JKAMP: variants seen among roughly 807,000 people sequenced by gnomAD.
JKAMP encodes JNK1/MAPK8 associated membrane protein.
A neutral mutation model predicts 40.2 loss-of-function variants in JKAMP; 20 were observed. The observed-to-expected ratio is 0.50, with a 90% CI of 0.35 to 0.72. JKAMP has a LOEUF of 0.72. Ranked by LOEUF, JKAMP falls within the 30% of genes least tolerant of loss-of-function variation. The probability of loss-of-function intolerance (pLI) is 0.01; values close to 1 mark genes in which losing one functional copy is unlikely to be tolerated. For synonymous variants in JKAMP, 138 were observed against 131.6 expected, an observed-to-expected ratio of 1.05 and a Z score of -0.33; for missense variants, 276 against 373.0, an observed-to-expected ratio of 0.74 and a Z score of 2.14.
intron 3 of JKAMP, among the ~76,000 whole-genome samples, chr14:59,493,570 C>G (rs1429312161): frequency 6.6e-6 from 1 of 152,120 alleles, no homozygotes; most frequent in East Asian, 1.9e-4. Context: ...TCAAAATCAC[C>G]TATAGACTAG....
intron 5 of JKAMP, chr14:59,500,963 G>T: frequency 2.2e-6 from 1 of 449,794 alleles, no homozygotes; most frequent in Non-Finnish European, 3.9e-6. Context: ...CACTACAACT[G>T]CAGAGCTGGG....
chr14:59,498,709 CT>C lies in JKAMP; in HGVS notation c.459-15del, dbSNP rs766988563. On this transcript the variant is annotated splice_polypyrimidine_tract_variant and intron_variant, in intron 4 of 6. Coordinates refer to ENST00000616435, the MANE Select transcript of JKAMP (RefSeq NM_016475.5). ...TAAAACATTTTTGATGTTACAAATT[CT>C]TTATTTTATTTTACAGATATACCAT... The C allele has an allele frequency of 7.8e-7, 1 of 1,287,892 alleles. No homozygotes were observed. Among genetic ancestry groups the C allele is most frequent in the Admixed American group, 2.3e-5 (1 of 43,660 alleles). 79.8% of individuals were successfully genotyped at this position (1,287,892 alleles called of 1,614,324 possible).
intron 6 of JKAMP, among the ~76,000 whole-genome samples, chr14:59,502,818 C>G (rs1214361018): frequency 1.8e-5 from 2 of 111,224 alleles, no homozygotes; most frequent in Non-Finnish European, 3.4e-5. Flanking sequence ...GTGGTGCAGT[C>G]TTGGCTCACT....
intron 3 of JKAMP, among the ~76,000 whole-genome samples, chr14:59,491,012 G>A (rs889090232): frequency 6.6e-6 from 1 of 152,204 alleles, no homozygotes; most frequent in African/African-American, 2.4e-5. Flanking sequence ...AAAAGAGGGA[G>A]TTGTACAACT....
chr14:59,484,609 G>A lies in JKAMP; in HGVS notation c.4+16G>A. 6.3e-7 allele frequency: 1 copy of A among 1,579,100 alleles called. No individual in the cohort carries two copies. Among genetic ancestry groups the A allele is most frequent in the South Asian group, 1.2e-5 (1 of 85,930 alleles). On this transcript the variant is annotated intron_variant, in intron 1 of 6. Transcript: ENST00000616435. ...CGGCCCATGGGTGAGTGGTCGCCAAGATCCCGGGAAGCGTTTCTGGTAGTC... is the reference window on the plus strand; with the variant it reads ...CGGCCCATGGGTGAGTGGTCGCCAAAATCCCGGGAAGCGTTTCTGGTAGTC...
Position 59,505,393 on chromosome 14 carries a change from T to G in JKAMP, c.*1321T>G. On this transcript the variant is annotated 3_prime_UTR_variant, in exon 7 of 7. Transcript: ENST00000616435. Reference sequence around the variant, plus strand: ...GGGGGTTATTAGTGTTCATTAAAATTCTGAGTTGCCCAAAGAATCCTCAAT... The same window carrying G: ...GGGGGTTATTAGTGTTCATTAAAATGCTGAGTTGCCCAAAGAATCCTCAAT... 1.4e-6 allele frequency: 1 copy of G among 738,208 alleles called. No individual in the cohort carries two copies. Among genetic ancestry groups the G allele is most frequent in the Admixed American group, 3.0e-5 (1 of 33,024 alleles). The allele number at this position is 738,208 out of a possible 1,614,324, so 45.7% of individuals were successfully genotyped here. A position where few individuals can be genotyped will look rare whatever the true frequency, so the allele number is the denominator to read the frequency against.
chr14:59,501,671 G>C (rs1891891096), intron 6 of JKAMP, among the ~76,000 whole-genome samples: 1 of 152,096 alleles, frequency 6.6e-6, no homozygotes, highest in African/African-American at 2.4e-5. Context: ...CAGTAATTGT[G>C]CATTCCATAT....
Position 59,504,918 on chromosome 14 carries a change from A to ATTC in JKAMP, c.*846_*847insTTC. 5.5e-6 allele frequency: 1 copy of ATTC among 182,038 alleles called. No homozygotes were observed. 11.3% of individuals were successfully genotyped at this position (182,038 alleles called of 1,614,324 possible). Reference sequence around the variant, plus strand: ...ATTTAATGAAATACAGAAGATACACAGAATAAAAAGGGTTTTCCTGTGGTT... The same window carrying ATTC: ...ATTTAATGAAATACAGAAGATACACATTCGAATAAAAAGGGTTTTCCTGTGGTT... On this transcript the variant is annotated 3_prime_UTR_variant, in exon 7 of 7. Transcript: ENST00000616435.
chr14:59,492,453 T>C (rs1173993175), intron 3 of JKAMP, among the ~76,000 whole-genome samples: 1 of 152,198 alleles, frequency 6.6e-6, no homozygotes, highest in Non-Finnish European at 1.5e-5. Flanking sequence ...GTCTCTCTTA[T>C]AACAATTCCA....
At chr14:59,496,765 G>A (rs758120854) in intron 4 of JKAMP, among the ~76,000 whole-genome samples, 6 of 152,134 alleles carry the variant, frequency 3.9e-5, no homozygotes, top group Non-Finnish European at 7.4e-5. Context: ...AATCAAGATT[G>A]TTTGTTTTTC....
rs1182716620 is a variant in JKAMP, at chr14:59,504,012, GT to G, written c.878del (p.Phe293SerfsTer34). ...LVPTPALFYL[F>X]TAKFTEPSRI... is the part of the protein sequence containing the mutation. ...TACCTACACCAGCCCTTTTTTACTT[GT>G]TCACTGCAAAATTTACCGAACCTTC... On this transcript the variant is annotated frameshift_variant, in exon 7 of 7. Transcript: ENST00000616435. LOFTEE classifies it high-confidence loss of function. The G allele has an allele frequency of 4.3e-6, 7 of 1,613,554 alleles. No individual in the cohort carries two copies. Among genetic ancestry groups the G allele is most frequent in the African/African-American group, 1.3e-5 (1 of 74,862 alleles).
intron 5 of JKAMP, among the ~76,000 whole-genome samples, chr14:59,499,151 G>A (rs1338939408): frequency 6.7e-6 from 1 of 148,686 alleles, no homozygotes; most frequent in Non-Finnish European, 1.5e-5. Flanking sequence ...AGCCTCCCAA[G>A]TAGCTGGGAC....
chr14:59,484,552 T>A lies in JKAMP; in HGVS notation c.-38T>A. 1 of 1,566,238 alleles carries A rather than the reference T, an allele frequency of 6.4e-7. No homozygotes were observed. On this transcript the variant is annotated 5_prime_UTR_variant, in exon 1 of 7. Coordinates refer to ENST00000616435, the MANE Select transcript of JKAMP (RefSeq NM_016475.5). ...TGTTCGGTGCAGCTGCCAGATCCGC[T>A]GATCTAGTGCTTCTCGAAAAAAACC...
chr14:59,491,114 G>A (rs1890965344), intron 3 of JKAMP, among the ~76,000 whole-genome samples: 1 of 152,228 alleles, frequency 6.6e-6, no homozygotes, highest in Non-Finnish European at 1.5e-5. Context: ...ATAGATGGGG[G>A]CTGGAGGTGT....
intron 4 of JKAMP, among the ~76,000 whole-genome samples, chr14:59,496,369 C>T (rs760784624): frequency 2.6e-5 from 4 of 151,658 alleles, no homozygotes; most frequent in Non-Finnish European, 5.9e-5. Flanking sequence ...TGTCATATAA[C>T]TCTCCTAAGG....
chr14:59,484,651 A>G, intron 1 of JKAMP, 58 bp downstream of exon 1: 1 of 1,555,346 alleles, frequency 6.4e-7, no homozygotes. Context: ...ACTTTCCTAC[A>G]CGGCTGGCCT....
At chr14:59,500,727 A>C (rs1891816399) in intron 5 of JKAMP, among the ~76,000 whole-genome samples, 1 of 152,230 alleles carries the variant, frequency 6.6e-6, no homozygotes, top group South Asian at 2.1e-4. Context: ...GTACTATTCT[A>C]GAATGCAGAG....
At chr14:59,499,814 G>A (rs1178472958) in intron 5 of JKAMP, among the ~76,000 whole-genome samples, 1 of 152,098 alleles carries the variant, frequency 6.6e-6, no homozygotes, top group Non-Finnish European at 1.5e-5. Flanking sequence ...CAGATGAACT[G>A]TTTCATTTGG....
At chr14:59,485,140 A>G in intron 1 of JKAMP, 2 of 1,597,116 alleles carry the variant, frequency 1.3e-6, no homozygotes, top group East Asian at 2.2e-5. Context: ...TGTTTATTTC[A>G]GTTCAGTTTA....
Sources: allele counts gnomAD v4.1 joint callset (sites outside exome capture counted in the v4.1 genomes callset), GRCh38; gene constraint gnomAD v4.1.1; transcripts MANE v1.5; gene names NCBI Gene and HGNC (gene_info 2026-07-23, HGNC 2026-07-21).